Variants in ADORA2B observed in about 807,000 individuals in gnomAD.
ADORA2B encodes the protein adenosine receptor A2b.
Under a neutral mutation model 20.8 loss-of-function variants are expected in ADORA2B, and 18 were observed. The ratio of observed to expected loss-of-function variants is 0.87; its 90% CI spans 0.60 to 1.29. The LOEUF (loss-of-function observed/expected upper bound fraction) is 1.29, where lower values mean the gene tolerates loss of function less well. Ranked by LOEUF, ADORA2B falls within the 50% of genes most tolerant of loss-of-function variation. ADORA2B has a pLI of 0.00. For missense variants in ADORA2B, 441 were observed against 422.7 expected (o/e 1.04, Z -0.38); for synonymous variants, 179 against 178.3 (o/e 1.00, Z -0.03).
chr17:15,968,765 G>A (rs540916682), intron 1 of ADORA2B, among the ~76,000 whole-genome samples: 32 of 152,292 alleles, frequency 2.1e-4, no homozygotes, highest in African/African-American at 7.5e-4. Context: ...TGTAAACTGA[G>A]GATAGCAGCT....
At chr17:15,924,877 T>C in the ADORA2B span, among the ~76,000 whole-genome samples, 1 of 152,082 alleles carries the variant, frequency 6.6e-6, no homozygotes, top group Non-Finnish European at 1.5e-5. Context: ...CTTTCTTTTT[T>C]TTTTTAAAGA....
chr17:15,885,472 G>T, the ADORA2B span, among the ~76,000 whole-genome samples: 6 of 152,172 alleles, frequency 3.9e-5, no homozygotes, highest in East Asian at 1.2e-3. Flanking sequence ...TTAGCATTTT[G>T]GGAGGCCGAA....
the ADORA2B span, among the ~76,000 whole-genome samples, chr17:15,867,396 C>T: frequency 2.6e-5 from 4 of 151,772 alleles, no homozygotes; most frequent in South Asian, 2.1e-4. Context: ...TCTGCTCTGC[C>T]GCCCCATCTG....
At chr17:15,859,630 C>G in the ADORA2B span, among the ~76,000 whole-genome samples, 3 of 152,090 alleles carry the variant, frequency 2.0e-5, no homozygotes, top group Admixed American at 6.5e-5. Flanking sequence ...TTATCCTGTT[C>G]TGTATTTTTA....
the ADORA2B span, among the ~76,000 whole-genome samples, chr17:15,917,235 T>G: frequency 6.6e-6 from 1 of 152,154 alleles, no homozygotes; most frequent in Non-Finnish European, 1.5e-5. Flanking sequence ...ACCCGAGAGA[T>G]AGAGGCTGCA....
At chr17:15,860,133 C>T in the ADORA2B span, among the ~76,000 whole-genome samples, 2 of 152,296 alleles carry the variant, frequency 1.3e-5, no homozygotes, top group African/African-American at 4.8e-5. Flanking sequence ...CCCCTGCTTG[C>T]TCAATCGATC....
chr17:15,883,742 G>A, the ADORA2B span, among the ~76,000 whole-genome samples: 165 of 152,340 alleles, frequency 1.1e-3, 1 homozygote, highest in African/African-American at 3.5e-3. Context: ...GGCAGAATCC[G>A]TCAAAATGAA....
At chr17:15,895,930 C>T in the ADORA2B span, among the ~76,000 whole-genome samples, 5 of 152,290 alleles carry the variant, frequency 3.3e-5, no homozygotes, top group Admixed American at 2.6e-4. Context: ...CCAAGGCTCA[C>T]AACATGCTGC....
chr17:15,967,421 C>T (rs111482633), intron 1 of ADORA2B, among the ~76,000 whole-genome samples: 14 of 152,052 alleles, frequency 9.2e-5, no homozygotes, highest in Admixed American at 2.0e-4. Flanking sequence ...TTAGTGGAGA[C>T]GGCTTCACCA....
At position 15,945,584 on chromosome 17, in the gene ADORA2B, G is replaced by T. The variant is rs1969792869; in HGVS notation, c.335+1G>T. ...ACCTGGCCATCTGTGTCCCGCTCAGGTGAGGCGCTCGGCGTCGCCCGAACT... is the reference window on the plus strand; with the variant it reads ...ACCTGGCCATCTGTGTCCCGCTCAGTTGAGGCGCTCGGCGTCGCCCGAACT... On this transcript the variant is annotated splice_donor_variant, in intron 1 of 1. Transcript: ENST00000304222. LOFTEE classifies it high-confidence loss of function. 2 of 1,492,626 alleles carry T rather than the reference G, an allele frequency of 1.3e-6. No homozygotes were observed. The highest frequency in any genetic ancestry group is 1.4e-5 in the African/African-American group (1 of 71,162). The allele number at this position is 1,492,626 out of a possible 1,614,324, so 92.5% of individuals were successfully genotyped here.
the ADORA2B span, among the ~76,000 whole-genome samples, chr17:15,856,277 C>T: frequency 6.6e-6 from 1 of 151,806 alleles, no homozygotes; most frequent in Non-Finnish European, 1.5e-5. Context: ...CCCCACCTTC[C>T]TCCTGCCACC....
chr17:15,875,746 C>A, the ADORA2B span, among the ~76,000 whole-genome samples: 2,459 of 152,298 alleles, frequency 0.016, 54 homozygotes, highest in African/African-American at 0.056. Flanking sequence ...CCACACCCAG[C>A]TAATTTTTGT....
chr17:15,970,105 G>A (rs1272410831), intron 1 of ADORA2B, among the ~76,000 whole-genome samples: 3 of 152,302 alleles, frequency 2.0e-5, no homozygotes, highest in South Asian at 4.1e-4. Context: ...GGAACCCGTC[G>A]CAATTCATAA....
the ADORA2B span, among the ~76,000 whole-genome samples, chr17:15,919,327 G>A: frequency 1.3e-5 from 2 of 152,144 alleles, no homozygotes; most frequent in African/African-American, 4.8e-5. Flanking sequence ...AACCCGTTGA[G>A]TCATTCCTGC....
intron 1 of ADORA2B, among the ~76,000 whole-genome samples, chr17:15,952,858 T>C (rs1324904753): frequency 3.9e-5 from 6 of 152,232 alleles, no homozygotes; most frequent in Non-Finnish European, 1.5e-5. Flanking sequence ...TAGCCATGGT[T>C]ATTCTCTCCT....
At chr17:15,920,683 T>G in the ADORA2B span, among the ~76,000 whole-genome samples, 4 of 146,846 alleles carry the variant, frequency 2.7e-5, no homozygotes, top group Admixed American at 7.0e-5. Flanking sequence ...ATCGTGCCAC[T>G]GCACTCCAGC....
chr17:15,853,531 T>G, the ADORA2B span, among the ~76,000 whole-genome samples: 2 of 152,220 alleles, frequency 1.3e-5, no homozygotes, highest in South Asian at 4.1e-4. Flanking sequence ...GATTACAGAT[T>G]AGTGCTCTGT....
At chr17:15,892,103 C>A in the ADORA2B span, among the ~76,000 whole-genome samples, 16 of 151,184 alleles carry the variant, frequency 1.1e-4, no homozygotes, top group African/African-American at 3.6e-4. Context: ...TCAGGTGATC[C>A]GTCCACCCCT....
upstream of ADORA2B, among the ~76,000 whole-genome samples, chr17:15,944,613 G>T (rs1257558079): frequency 1.3e-5 from 2 of 151,874 alleles, no homozygotes; most frequent in African/African-American, 4.8e-5. This position sits in a 1 kb window ranked among gnomAD's most constrained non-coding sequence, Gnocchi z 4.8. Flanking sequence ...CGGCCCCGCA[G>T]CCTGGAGACA....
Sources: gnomAD v4.1 joint callset for allele counts (sites outside exome capture counted in the v4.1 genomes callset) on GRCh38, gnomAD v4.1.1 for gene constraint, Gnocchi (gnomAD v3.1) non-coding constraint, MANE v1.5 for transcripts, NCBI Gene and HGNC (gene_info 2026-07-23, HGNC 2026-07-21) for gene names.